Variants in TFF2 observed in about 807,000 individuals in gnomAD.
The protein encoded by TFF2 is trefoil factor 2, also known as spasmolysin.
A neutral mutation model predicts 16.0 loss-of-function variants in TFF2; 19 were observed. The observed-to-expected ratio is 1.19, with a 90% CI of 0.83 to 1.74. The LOEUF (loss-of-function observed/expected upper bound fraction) is 1.74, where lower values mean the gene tolerates loss of function less well. TFF2 is among the 40% of genes most tolerant of loss of function. The pLI, the probability that TFF2 is intolerant of heterozygous loss-of-function variation, is 0.00. For synonymous variants in TFF2, 61 were observed against 65.4 expected (o/e 0.93, Z 0.32); for missense variants, 168 against 166.8 (o/e 1.01, Z -0.04).
chr21:42,347,446 G>C (rs1386079118), intron 3 of TFF2, 40 bp downstream of exon 3: 61 of 1,612,974 alleles, frequency 3.8e-5, no homozygotes, highest in Non-Finnish European at 4.8e-5. Flanking sequence ...AGGAATCATG[G>C]TGTCCGGGAA....
At chr21:42,348,556 T>A (rs544363453) in intron 2 of TFF2, among the ~76,000 whole-genome samples, 3 of 152,232 alleles carry the variant, frequency 2.0e-5, no homozygotes, top group Non-Finnish European at 2.9e-5. Context: ...CACTGTTGGC[T>A]GACCTGGGTT....
rs1318737636 is a variant in TFF2, at chr21:42,349,906, C to A, written c.204G>T (p.Trp68Cys). ...CTTGCTTTGGGAGGGGGTGGAAACACCAGGGGACCCCAGTGACACTGGAGT... is the reference window on the plus strand; with the variant it reads ...CTTGCTTTGGGAGGGGGTGGAAACAACAGGGGACCCCAGTGACACTGGAGT... ...CFDSSVTGVP[W>C]CFHPLPKQES... is the part of the protein sequence containing the mutation. The change falls in exon 2 of 4, where the codon TGG (tryptophan) becomes TGT (cysteine). Residue 68 changes from tryptophan to cysteine, a missense_variant. Trp to Cys is a radical substitution (Grantham distance 215). Coordinates refer to ENST00000291526, the MANE Select transcript of TFF2 (RefSeq NM_005423.5). 6.3e-7 allele frequency: 1 copy of A among 1,599,894 alleles called. No homozygotes were observed.
intron 2 of TFF2, 70 bp from the exon 3 acceptor site, chr21:42,347,702 CT>C: frequency 6.4e-7 from 1 of 1,574,134 alleles, no homozygotes; most frequent in South Asian, 1.1e-5. Context: ...CCACCCCTTC[CT>C]CCTCTGAGAG....
In TFF2 at chr21:42,347,551, C is replaced by T. The variant is rs775411596; in HGVS notation, c.311G>A (p.Arg104Gln). 69 of 1,614,068 alleles carry T rather than the reference C, an allele frequency of 4.3e-5. No individual in the cohort carries two copies. The East Asian group carries it at 4.5e-4, about 10-fold the overall frequency. The change falls in exon 3 of 4, where the codon CGG (arginine) becomes CAG (glutamine). Residue 104 changes from arginine to glutamine, a missense_variant. By Grantham distance (43) the Arg-to-Gln change is conservative. Transcript: ENST00000291526. ...GATGAAGTTGGAGAAGCAGCACTTC[C>T]GAGAGGCGCATTCCTCGGGGCTGAT... ...PGISPEECAS[R>Q]KCCFSNFIFE...
In TFF2 at chr21:42,350,083, C is replaced by A; in HGVS notation, c.80-53G>T. On this transcript the variant is annotated intron_variant, in intron 1 of 3. Coordinates refer to ENST00000291526, the MANE Select transcript of TFF2 (RefSeq NM_005423.5). ...CCCTGGTACCCCAGACCACACTGCT[C>A]CTTCTCTCAGAGGTTCTAGGGGATG... 2.6e-6 allele frequency: 4 copies of A among 1,550,192 alleles called. No homozygotes were observed. In the South Asian group the frequency reaches 4.7e-5, roughly 18 times the overall value.
At chr21:42,350,267 C>G (rs2146394792) in intron 1 of TFF2, 3 of 1,071,110 alleles carry the variant, frequency 2.8e-6, no homozygotes, top group East Asian at 4.0e-5. Flanking sequence ...TGGCTCATAC[C>G]TATAATCCCA....
chr21:42,347,563 T>C lies in TFF2; in HGVS notation c.299A>G (p.Glu100Gly), dbSNP rs1264918848. ...GAAGCAGCACTTCCGAGAGGCGCAT[T>C]CCTCGGGGCTGATGCCCGGGTAGCC... ...NCGYPGISPE[E>G]CASRKCCFSN... The change falls in exon 3 of 4, where the codon GAA becomes GGA. Residue 100 changes from glutamate (E) to glycine (G), a missense_variant. Glu to Gly is a moderately conservative substitution (Grantham distance 98). Transcript: ENST00000291526. The C allele has an allele frequency of 6.2e-7, 1 of 1,614,182 alleles. No homozygotes were observed. The highest frequency in any genetic ancestry group is 2.2e-5 in the East Asian group (1 of 44,872).
At chr21:42,350,231 G>GAAA (rs5844112) in intron 1 of TFF2, 12 of 965,566 alleles carry the variant, frequency 1.2e-5, no homozygotes, top group Middle Eastern at 4.2e-4. Context: ...AGTTTAAAAG[G>GAAA]AAAAAAAAAA....
intron 1 of TFF2, 149 bp downstream of exon 1, chr21:42,350,730 C>G (rs917365160): frequency 2.4e-6 from 2 of 831,194 alleles, no homozygotes; most frequent in African/African-American, 3.5e-5. Flanking sequence ...AGCCACCCTC[C>G]TGAGCAGTGG....
At chr21:42,348,747 C>T (rs1040805923) in intron 2 of TFF2, among the ~76,000 whole-genome samples, 1 of 150,640 alleles carries the variant, frequency 6.6e-6, no homozygotes, top group African/African-American at 2.4e-5. Context: ...TAGTCCCAGA[C>T]TAACCAACCT....
intron 3 of TFF2, 21 bp from the exon 4 acceptor site, chr21:42,346,567 T>A (rs1297683851): frequency 5.7e-6 from 9 of 1,592,294 alleles, no homozygotes; most frequent in Non-Finnish European, 7.7e-6. Context: ...AAATGCAAGA[T>A]GGTTGGTAAG....
At chr21:42,348,791 A>G (rs1248955159) in intron 2 of TFF2, among the ~76,000 whole-genome samples, 1 of 151,610 alleles carries the variant, frequency 6.6e-6, no homozygotes, top group African/African-American at 2.4e-5. Context: ...CTAACAGTCC[A>G]GGCTAGTACC....
chr21:42,347,431 G>C (rs2052077359), intron 3 of TFF2, 55 bp downstream of exon 3: 1 of 1,609,858 alleles, frequency 6.2e-7, no homozygotes, highest in Non-Finnish European at 8.5e-7. Flanking sequence ...CTCTACGGAC[G>C]GAGGAGGAAT....
chr21:42,346,562 C>A lies in TFF2; in HGVS notation c.377-16G>T. On this transcript the variant is annotated splice_polypyrimidine_tract_variant and intron_variant, in intron 3 of 3. Transcript: ENST00000291526. ...TAATGGCAGTCTAGAAGTTTAAATG[C>A]AAGATGGTTGGTAAGGGAACCCCAG... is the stretch of plus-strand genomic sequence containing the variant. 1 of 1,592,538 alleles carries A rather than the reference C, an allele frequency of 6.3e-7. No individual in the cohort carries two copies. The highest frequency in any genetic ancestry group is 1.2e-5 in the South Asian group (1 of 86,664).
intron 1 of TFF2, 151 bp from the exon 2 acceptor site, chr21:42,350,181 T>C: frequency 7.7e-7 from 1 of 1,296,482 alleles, no homozygotes; most frequent in Non-Finnish European, 9.8e-7. Context: ...TGCGGTTTCC[T>C]CCTGAGAAGC....
Position 42,350,983 on chromosome 21 carries a change from G to T in TFF2, c.-26C>A. On this transcript the variant is annotated 5_prime_UTR_variant, in exon 1 of 4. Transcript: ENST00000291526. ...GTCTAGCTCAGCTGCACCCCAGGGT[G>T]GCTTGCAGAATGCATGGTGTCCACT... The T allele has an allele frequency of 6.2e-7, 1 of 1,607,962 alleles. No homozygotes were observed. Among genetic ancestry groups the T allele is most frequent in the South Asian group, 1.1e-5 (1 of 89,954 alleles).
chr21:42,350,245 AG>A, intron 1 of TFF2: 1 of 1,067,688 alleles, frequency 9.4e-7, no homozygotes. Flanking sequence ...AAAAAAAAAA[AG>A]CCAGGCATGG....
chr21:42,349,050 C>T (rs570364676), intron 2 of TFF2, among the ~76,000 whole-genome samples: 1 of 150,844 alleles, frequency 6.6e-6, no homozygotes, highest in South Asian at 2.1e-4. Flanking sequence ...ACTAACCAAC[C>T]TGGGCTACTA....
rs571427345 is a variant in TFF2, at chr21:42,350,943, G to A, written c.15C>T (p.Asp5=). The A allele has an allele frequency of 4.2e-5, 67 of 1,613,892 alleles. No individual in the cohort carries two copies. In the East Asian group the frequency reaches 6.0e-4, roughly 15 times the overall value. Residue 5 remains aspartate, a synonymous_variant, in exon 1 of 4, where the codon GAC becomes GAT. Coordinates refer to ENST00000291526, the MANE Select transcript of TFF2 (RefSeq NM_005423.5). The part of the protein sequence containing the change: MGRR[D]AQLLAALLVL... The stretch of plus-strand genomic sequence containing the variant: ...CGAGGAGCGCTGCCAGGAGCTGGGC[G>A]TCTCGCCGTCCCATGTCTAGCTCAG...
Sources: allele counts gnomAD v4.1 joint callset (sites outside exome capture counted in the v4.1 genomes callset), GRCh38; gene constraint gnomAD v4.1.1; transcripts MANE v1.5; gene names NCBI Gene and HGNC (gene_info 2026-07-23, HGNC 2026-07-21).